Variants in STK39 observed in about 807,000 individuals in gnomAD.
STK39 encodes STE20/SPS1-related proline-alanine-rich protein kinase.
In STK39, 20 loss-of-function variants were observed where a neutral mutation model predicts 77.8. That is an observed-to-expected ratio of 0.26 (90% CI 0.18 to 0.37). The LOEUF is 0.37. Ranked by LOEUF, STK39 falls within the 10% of genes least tolerant of loss-of-function variation. STK39 has a pLI of 1.00. For synonymous variants in STK39, 246 were observed against 234.1 expected (o/e 1.05, Z -0.47); for missense variants, 479 against 656.5 (o/e 0.73, Z 2.95).
chr2:168,172,749 T>C (rs10190610), intron 2 of STK39, among the ~76,000 whole-genome samples: 14,962 of 152,150 alleles, frequency 0.098, 1,407 homozygotes, highest in East Asian at 0.31. Flanking sequence ...CTTATGTAAA[T>C]CCTAAATAAA....
At chr2:168,028,908 T>G (rs1335593511) in intron 14 of STK39, among the ~76,000 whole-genome samples, 1 of 152,202 alleles carries the variant, frequency 6.6e-6, no homozygotes, top group Non-Finnish European at 1.5e-5. Context: ...TCTTAGTAGG[T>G]GTATTTATAC....
intron 16 of STK39, among the ~76,000 whole-genome samples, chr2:167,996,585 G>T (rs1437008394): frequency 6.6e-6 from 1 of 152,144 alleles, no homozygotes; most frequent in Non-Finnish European, 1.5e-5. Context: ...ACCTAATTCG[G>T]TGGGTCAAGT....
At chr2:168,059,613 C>T (rs1352437061) in intron 14 of STK39, among the ~76,000 whole-genome samples, 2 of 152,116 alleles carry the variant, frequency 1.3e-5, no homozygotes, top group African/African-American at 2.4e-5. Context: ...CCATGAGTTC[C>T]GATGAGCATG....
intron 1 of STK39, among the ~76,000 whole-genome samples, chr2:168,200,961 T>C (rs1271263876): frequency 6.6e-6 from 1 of 152,210 alleles, no homozygotes; most frequent in Non-Finnish European, 1.5e-5. Context: ...ACATCTTAAA[T>C]GCAGGGGTGG....
At chr2:168,235,689 G>A (rs1378149523) in intron 1 of STK39, among the ~76,000 whole-genome samples, 1 of 143,618 alleles carries the variant, frequency 7.0e-6, no homozygotes, top group African/African-American at 2.6e-5. Context: ...CCACCTATGA[G>A]TGAGAACATG....
At chr2:167,956,583 G>A (rs1334046423) in intron 17 of STK39, among the ~76,000 whole-genome samples, 1 of 144,910 alleles carries the variant, frequency 6.9e-6, no homozygotes, top group Non-Finnish European at 1.5e-5. Flanking sequence ...AAAAAAGGAA[G>A]CCATTTCCCT....
intron 1 of STK39, among the ~76,000 whole-genome samples, chr2:168,203,015 C>T (rs1689649076): frequency 6.6e-6 from 1 of 152,126 alleles, no homozygotes; most frequent in African/African-American, 2.4e-5. Flanking sequence ...AGCGTTTCTC[C>T]ACCTTGGCAA....
intron 10 of STK39, among the ~76,000 whole-genome samples, chr2:168,094,289 G>A (rs1686604522): frequency 6.6e-6 from 1 of 152,090 alleles, no homozygotes; most frequent in Admixed American, 6.5e-5. Flanking sequence ...ACACAGTCCT[G>A]GTACTTGATA....
At chr2:168,026,240 G>A (rs960547575) in intron 14 of STK39, among the ~76,000 whole-genome samples, 4 of 152,128 alleles carry the variant, frequency 2.6e-5, no homozygotes, top group African/African-American at 9.7e-5. Flanking sequence ...TAGTAGCGAA[G>A]GAAATCTTGA....
intron 14 of STK39, among the ~76,000 whole-genome samples, chr2:168,050,813 T>C (rs761177997): frequency 2.0e-5 from 3 of 152,186 alleles, no homozygotes; most frequent in Non-Finnish European, 2.9e-5. Flanking sequence ...GTTATAGCAG[T>C]GATAGAAAAC....
intron 1 of STK39, among the ~76,000 whole-genome samples, chr2:168,236,925 A>G (rs1690628217): frequency 6.6e-6 from 1 of 152,036 alleles, no homozygotes; most frequent in Admixed American, 6.6e-5. Flanking sequence ...TTGACTTGGC[A>G]ATGCGGGCTT....
At chr2:167,961,971 G>C (rs1691990384) in intron 17 of STK39, among the ~76,000 whole-genome samples, 2 of 152,300 alleles carry the variant, frequency 1.3e-5, no homozygotes. Context: ...CAAAGCCCAT[G>C]CTCTCAACAA....
At chr2:168,091,054 C>T (rs1286677292) in intron 10 of STK39, among the ~76,000 whole-genome samples, 1 of 152,046 alleles carries the variant, frequency 6.6e-6, no homozygotes, top group South Asian at 2.1e-4. Flanking sequence ...TGTTGGTTCA[C>T]TAAAATCATT....
intron 5 of STK39, among the ~76,000 whole-genome samples, chr2:168,145,451 C>A (rs975589059): frequency 1.3e-5 from 2 of 152,084 alleles, no homozygotes; most frequent in Non-Finnish European, 2.9e-5. Flanking sequence ...TGCTGCTTGG[C>A]ACCAGAAGAA....
At chr2:168,136,255 A>G (rs1257006762) in intron 8 of STK39, among the ~76,000 whole-genome samples, 4 of 151,556 alleles carry the variant, frequency 2.6e-5, no homozygotes, top group African/African-American at 9.7e-5. Context: ...TGTAGTCCCA[A>G]CTACTCGGGA....
At chr2:168,164,175 A>C (rs1412863900) in intron 3 of STK39, among the ~76,000 whole-genome samples, 1 of 152,162 alleles carries the variant, frequency 6.6e-6, no homozygotes, top group Non-Finnish European at 1.5e-5. Flanking sequence ...ATTTCTCACA[A>C]AAATTCCTAA....
intron 16 of STK39, among the ~76,000 whole-genome samples, chr2:167,986,206 T>A (rs147043568): frequency 8.5e-5 from 13 of 152,276 alleles, no homozygotes; most frequent in Non-Finnish European, 1.6e-4. Flanking sequence ...TTGTGATGAT[T>A]ATCAAAAAGT....
chr2:168,180,628 C>T (rs1053515095), intron 2 of STK39, among the ~76,000 whole-genome samples: 13 of 152,054 alleles, frequency 8.5e-5, no homozygotes, highest in African/African-American at 2.4e-4. Flanking sequence ...TTATAAAATG[C>T]GTTTTCCAAC....
chr2:168,155,361 T>C (rs1300279838), intron 5 of STK39, among the ~76,000 whole-genome samples: 1 of 152,228 alleles, frequency 6.6e-6, no homozygotes, highest in Non-Finnish European at 1.5e-5. Flanking sequence ...TGGTTCATTC[T>C]AGAGCTCTTA....
Sources: gnomAD v4.1 joint callset for allele counts (sites outside exome capture counted in the v4.1 genomes callset) on GRCh38, gnomAD v4.1.1 for gene constraint, MANE v1.5 for transcripts, NCBI Gene and HGNC (gene_info 2026-07-23, HGNC 2026-07-21) for gene names.